GRIK2: variants seen among roughly 807,000 people sequenced by gnomAD.
GRIK2 encodes the protein glutamate receptor ionotropic, kainate 2.
Under a neutral mutation model 100.3 loss-of-function variants are expected in GRIK2, and 32 were observed. The ratio of observed to expected loss-of-function variants is 0.32; its 90% CI spans 0.24 to 0.43. The LOEUF (loss-of-function observed/expected upper bound fraction) is 0.43, where lower values mean the gene tolerates loss of function less well. GRIK2 is among the 20% of genes least tolerant of loss of function. GRIK2 has a pLI of 1.00. For synonymous variants in GRIK2, 417 were observed against 389.4 expected (o/e 1.07, Z -0.83); for missense variants, 843 against 1,114.9 (o/e 0.76, Z 3.47).
intron 6 of GRIK2, among the ~76,000 whole-genome samples, chr6:101,684,785 AAGGG>A (rs1771557241): frequency 6.6e-6 from 1 of 151,850 alleles, no homozygotes; most frequent in Non-Finnish European, 1.5e-5. Context: ...TTATTGGACA[AAGGG>A]AGGTTATGAT....
intron 15 of GRIK2, among the ~76,000 whole-genome samples, chr6:102,037,970 G>A (rs1216051155): frequency 6.6e-6 from 1 of 151,382 alleles, no homozygotes; most frequent in Non-Finnish European, 1.5e-5. Context: ...CTGATAATGT[G>A]CTATGAATAT....
intron 16 of GRIK2, among the ~76,000 whole-genome samples, chr6:102,059,648 A>T (rs995617347): frequency 5.3e-5 from 8 of 151,146 alleles, no homozygotes; most frequent in Non-Finnish European, 1.0e-4. Context: ...GAATTATAAG[A>T]TATAATAATT....
Position 101,399,001 on chromosome 6 carries a change from A to G in GRIK2, c.-277A>G, listed in dbSNP as rs913584783. The G allele has an allele frequency of 2.3e-5, 10 of 430,002 alleles. No individual in the cohort carries two copies. In the East Asian group the frequency reaches 3.5e-4, roughly 15 times the overall value. The allele number at this position is 430,002 out of a possible 1,614,324, so 26.6% of individuals were successfully genotyped here. A position where few individuals can be genotyped will look rare whatever the true frequency, so the allele number is the denominator to read the frequency against. ...CTTTCACAGGCTCGCGCGGCCGGACATTGTGGGTGTGCGTGCTGGATTTCT... is the reference window on the plus strand; with the variant it reads ...CTTTCACAGGCTCGCGCGGCCGGACGTTGTGGGTGTGCGTGCTGGATTTCT... On this transcript the variant is annotated 5_prime_UTR_variant, in exon 2 of 17. Transcript: ENST00000369134.
chr6:101,629,022 T>C (rs1780589255), intron 4 of GRIK2, among the ~76,000 whole-genome samples: 1 of 152,080 alleles, frequency 6.6e-6, no homozygotes, highest in Admixed American at 6.6e-5. Flanking sequence ...TTTGGTAAAA[T>C]ACAGCCTCAT....
intron 4 of GRIK2, among the ~76,000 whole-genome samples, chr6:101,646,793 T>G (rs1238404524): frequency 1.3e-5 from 2 of 151,886 alleles, no homozygotes; most frequent in Non-Finnish European, 2.9e-5. Context: ...AGCATCATCT[T>G]GAAATGTTCA....
At chr6:101,549,275 GAA>G (rs34763570) in intron 2 of GRIK2, among the ~76,000 whole-genome samples, 1 of 136,334 alleles carries the variant, frequency 7.3e-6, no homozygotes, top group East Asian at 2.1e-4. Context: ...GTGATGAACT[GAA>G]AAAAAAAAAA....
intron 10 of GRIK2, among the ~76,000 whole-genome samples, chr6:101,842,887 C>A (rs2128435548): frequency 6.6e-6 from 1 of 152,178 alleles, no homozygotes; most frequent in East Asian, 1.9e-4. Flanking sequence ...CAATGTGTTT[C>A]CATTTGTTTT....
intron 2 of GRIK2, among the ~76,000 whole-genome samples, chr6:101,473,541 A>AT (rs1329968069): frequency 1.3e-5 from 2 of 151,722 alleles, no homozygotes; most frequent in Admixed American, 6.6e-5. Flanking sequence ...GGAAACACAT[A>AT]TTTTTTCCAA....
rs3056158 is a variant in GRIK2 at position 101,639,598 on chromosome 6, GCATA to G, written c.541+12988_541+12991del. Among the ~76,000 whole-genome samples the G allele has an allele frequency of 7.3e-4, 111 of 151,098 alleles. No homozygotes were observed. In the South Asian group the frequency reaches 8.8e-3, roughly 12 times the overall value. The stretch of plus-strand genomic sequence containing the variant: ...AGAGCGACACTCCATCTCAATACAT[GCATA>G]CATACATACATACATACATACATAC... On this transcript the variant is annotated intron_variant, in intron 4 of 16. Coordinates refer to ENST00000369134, the MANE Select transcript of GRIK2 (RefSeq NM_021956.5).
At chr6:101,556,356 A>T (rs1401914633) in intron 2 of GRIK2, among the ~76,000 whole-genome samples, 2 of 22,636 alleles carry the variant, frequency 8.8e-5, no homozygotes, top group African/African-American at 1.3e-4. Flanking sequence ...TTTTTTTGAG[A>T]CCGAGTCTCG....
intron 7 of GRIK2, among the ~76,000 whole-genome samples, chr6:101,752,614 A>G (rs187939591): frequency 2.2e-4 from 33 of 152,314 alleles, no homozygotes; most frequent in Non-Finnish European, 4.0e-4. Flanking sequence ...TTATGTCTGT[A>G]TCTCCTTTCC....
chr6:101,953,172 G>C (rs372636903), intron 14 of GRIK2, among the ~76,000 whole-genome samples: 1 of 152,028 alleles, frequency 6.6e-6, no homozygotes, highest in South Asian at 2.1e-4. Flanking sequence ...GTTTATCAGA[G>C]GATGGACATT....
chr6:101,959,207 G>A (rs182817049), intron 14 of GRIK2, among the ~76,000 whole-genome samples: 35 of 152,108 alleles, frequency 2.3e-4, no homozygotes, highest in Non-Finnish European at 4.1e-4. Context: ...TCACATGTCT[G>A]GTAACATTTG....
rs147794043 is a variant in GRIK2, at chr6:101,611,015, G to T, written c.116-10934G>T. Among the ~76,000 whole-genome samples, 518 of 151,672 alleles carry T rather than the reference G, an allele frequency of 3.4e-3. 1 individual carries two copies. The highest frequency in any genetic ancestry group is 0.012 in the African/African-American group (489 of 41,422). ...CATTTCCCAATTTTCTTCTCAGTGTGCAGTGCCTCTACTTTAAAATTAATA... is the reference window on the plus strand; with the variant it reads ...CATTTCCCAATTTTCTTCTCAGTGTTCAGTGCCTCTACTTTAAAATTAATA... On this transcript the variant is annotated intron_variant, in intron 2 of 16. Transcript: ENST00000369134.
At position 101,682,535 on chromosome 6, in the gene GRIK2, A is replaced by ATTT; in HGVS notation, c.724-9_724-7dup. 9 of 905,422 alleles carry ATTT rather than the reference A, an allele frequency of 9.9e-6. No homozygotes were observed. The highest frequency in any genetic ancestry group is 8.4e-5 in the African/African-American group (5 of 59,456). The allele number at this position is 905,422 out of a possible 1,614,324, so 56.1% of individuals were successfully genotyped here. On this transcript the variant is annotated splice_polypyrimidine_tract_variant and intron_variant, in intron 5 of 16. Transcript: ENST00000369134. ...TTTCCTGAAATATGTACCTTCAGTA[A>ATTT]TTTTTTTTTTTCCTTAGGCATTAGC...
intron 2 of GRIK2, among the ~76,000 whole-genome samples, chr6:101,569,218 C>A (rs58290527): frequency 3.9e-4 from 59 of 151,924 alleles, no homozygotes; most frequent in African/African-American, 1.1e-3. Context: ...TTCAAAAAAA[C>A]CCTACTTTTT....
intron 2 of GRIK2, among the ~76,000 whole-genome samples, chr6:101,566,222 TAAATG>T (rs984118029): frequency 6.6e-6 from 1 of 151,748 alleles, no homozygotes; most frequent in African/African-American, 2.4e-5. Flanking sequence ...TCTGTCTTCT[TAAATG>T]AAGCCAATTT....
intron 2 of GRIK2, among the ~76,000 whole-genome samples, chr6:101,533,487 T>C (rs572103510): frequency 6.6e-6 from 1 of 151,952 alleles, no homozygotes; most frequent in Non-Finnish European, 1.5e-5. Flanking sequence ...GGAGAAAGAT[T>C]TTTTTTCACA....
chr6:101,464,506 T>C (rs1288731906), intron 2 of GRIK2, among the ~76,000 whole-genome samples: 3,014 of 44,332 alleles, frequency 0.068, 314 homozygotes, highest in Non-Finnish European at 0.083. Context: ...TCTTTTTTTT[T>C]TTTTTTTTTT....
Sources: gnomAD v4.1 joint callset for allele counts (sites outside exome capture counted in the v4.1 genomes callset) on GRCh38, gnomAD v4.1.1 for gene constraint, MANE v1.5 for transcripts, NCBI Gene and HGNC (gene_info 2026-07-23, HGNC 2026-07-21) for gene names.